ME1: variants seen among roughly 807,000 people sequenced by gnomAD.
The protein encoded by ME1 is NADP-dependent malic enzyme.
A neutral mutation model predicts 66.4 loss-of-function variants in ME1; 74 were observed. The ratio of observed to expected loss-of-function variants is 1.11; its 90% CI spans 0.92 to 1.35. The LOEUF (loss-of-function observed/expected upper bound fraction) is 1.35, where lower values mean the gene tolerates loss of function less well. Among genes scored for constraint, ME1 ranks in the 40% most tolerant of loss-of-function variants. ME1 has a pLI of 0.00. For missense variants in ME1, 750 were observed against 694.1 expected (o/e 1.08, Z -0.90); for synonymous variants, 251 against 235.6 (o/e 1.07, Z -0.60).
intron 6 of ME1, among the ~76,000 whole-genome samples, chr6:83,293,264 C>A (rs187781686): frequency 6.6e-6 from 1 of 152,136 alleles, no homozygotes; most frequent in Non-Finnish European, 1.5e-5. Context: ...CGTTCCTATT[C>A]GGCCATCTTG....
chr6:83,271,004 T>G (rs1162454968), intron 6 of ME1, among the ~76,000 whole-genome samples: 1 of 150,912 alleles, frequency 6.6e-6, no homozygotes, highest in Non-Finnish European at 1.5e-5. Context: ...GAAGTAAAGT[T>G]GTGGCTAGGT....
At chr6:83,427,443 C>G (rs886488494) in intron 1 of ME1, among the ~76,000 whole-genome samples, 2 of 152,214 alleles carry the variant, frequency 1.3e-5, no homozygotes, top group South Asian at 2.1e-4. Context: ...CAAGCTTAAA[C>G]CACATTTCAA....
chr6:83,429,258 G>A (rs567229875), intron 1 of ME1, among the ~76,000 whole-genome samples: 4 of 151,792 alleles, frequency 2.6e-5, no homozygotes, highest in East Asian at 1.9e-4. Context: ...GCGCGACTCC[G>A]TCTCAAATAA....
At chr6:83,304,585 A>G (rs1767792014) in intron 6 of ME1, among the ~76,000 whole-genome samples, 1 of 152,178 alleles carries the variant, frequency 6.6e-6, no homozygotes, top group Non-Finnish European at 1.5e-5. Context: ...TATTATTTTC[A>G]TGAGGATATG....
At chr6:83,220,390 C>T (rs1349573939) in intron 12 of ME1, among the ~76,000 whole-genome samples, 1 of 152,170 alleles carries the variant, frequency 6.6e-6, no homozygotes, top group Admixed American at 6.5e-5. Flanking sequence ...TCCCAGGATA[C>T]ACTACAGACC....
chr6:83,348,852 G>A (rs1404481470), intron 4 of ME1, among the ~76,000 whole-genome samples: 1 of 151,230 alleles, frequency 6.6e-6, no homozygotes, highest in Non-Finnish European at 1.5e-5. Context: ...CCTGGGCGTG[G>A]TGGCGAGTAG....
rs534603383 is a variant in ME1, at chr6:83,307,498, T to C, written c.704+7812A>G. On this transcript the variant is annotated intron_variant, in intron 6 of 13. Transcript: ENST00000369705. ...GCAGGTGGAATCCCATATAATCATA[T>C]GCTTTCATTAAATTTCTTATGAAAA... is the stretch of plus-strand genomic sequence containing the variant. Among the ~76,000 whole-genome samples the C allele has an allele frequency of 4.8e-4, 73 of 152,298 alleles. 1 individual carries two copies. The South Asian group carries it at 0.014, about 30-fold the overall frequency.
intron 1 of ME1, among the ~76,000 whole-genome samples, chr6:83,408,300 C>T: frequency 6.6e-6 from 1 of 152,142 alleles, no homozygotes; most frequent in East Asian, 1.9e-4. Flanking sequence ...TGCTGTGATT[C>T]CACCTTTAAA....
intron 7 of ME1, among the ~76,000 whole-genome samples, chr6:83,247,508 ATC>A (rs1170082232): frequency 6.6e-6 from 1 of 151,990 alleles, no homozygotes. Flanking sequence ...CATAAATCAT[ATC>A]TTTAAATAAC....
intron 3 of ME1, among the ~76,000 whole-genome samples, chr6:83,354,482 C>T (rs1456674906): frequency 6.6e-6 from 1 of 152,104 alleles, no homozygotes; most frequent in Non-Finnish European, 1.5e-5. Flanking sequence ...AAACTTCTAT[C>T]ATCACTCTAG....
At position 83,260,929 on chromosome 6, in the gene ME1, C is replaced by T. The variant is rs1277392748; in HGVS notation, c.705-7191G>A. Among the ~76,000 whole-genome samples, 3 of 152,196 alleles carry T rather than the reference C, an allele frequency of 2.0e-5. No homozygotes were observed. The East Asian group carries it at 5.8e-4, about 29-fold the overall frequency. ...CTCCAATAAACAAAAAAAATGTGTG[C>T]ATGCATCTTTGTGGTAAAATAATTT... On this transcript the variant is annotated intron_variant, in intron 6 of 13. Transcript: ENST00000369705.
At chr6:83,420,095 C>A (rs771150598) in intron 1 of ME1, among the ~76,000 whole-genome samples, 2 of 151,766 alleles carry the variant, frequency 1.3e-5, no homozygotes, top group South Asian at 2.1e-4. Flanking sequence ...TGAGACGGAG[C>A]CTTGCACTGT....
chr6:83,261,420 AT>A (rs57450786), intron 6 of ME1, among the ~76,000 whole-genome samples: 9 of 110,864 alleles, frequency 8.1e-5, no homozygotes, highest in East Asian at 2.5e-4. Flanking sequence ...TCTGTTGGTA[AT>A]TTTTTTTTTT....
intron 6 of ME1, among the ~76,000 whole-genome samples, chr6:83,268,411 T>G (rs1055569322): frequency 6.6e-6 from 1 of 152,146 alleles, no homozygotes; most frequent in Non-Finnish European, 1.5e-5. Flanking sequence ...AGTATACAAT[T>G]AGGGTAAGTT....
intron 3 of ME1, among the ~76,000 whole-genome samples, chr6:83,376,291 G>A (rs1338080460): frequency 1.3e-5 from 2 of 152,074 alleles, no homozygotes; most frequent in Admixed American, 6.6e-5. Flanking sequence ...GAGGTCAGGA[G>A]TTCAAGACCA....
Position 83,237,771 on chromosome 6 carries a change from T to C in ME1, c.972A>G (p.Lys324=), listed in dbSNP as rs138283187. ...GCCATATCTTTTTGATGGCTTTCTC[T>C]TTTGGTAAACCTTCTTTTTCCAAGG... ...VMALEKEGLP[K]EKAIKKIWLV... Residue 324 remains lysine (K), a synonymous_variant, in exon 9 of 14, where the codon AAA becomes AAG. Transcript: ENST00000369705. The C allele has an allele frequency of 6.2e-7, 1 of 1,609,560 alleles. No individual in the cohort carries two copies. The highest frequency in any genetic ancestry group is 8.5e-7 in the Non-Finnish European group (1 of 1,177,904).
intron 3 of ME1, among the ~76,000 whole-genome samples, chr6:83,352,760 C>T (rs1476250331): frequency 1.3e-5 from 2 of 152,154 alleles, no homozygotes; most frequent in African/African-American, 2.4e-5. Flanking sequence ...AGTAACTTCA[C>T]AAATTAAAAT....
At chr6:83,300,042 G>GGTAT (rs1356149356) in intron 6 of ME1, among the ~76,000 whole-genome samples, 2 of 152,042 alleles carry the variant, frequency 1.3e-5, no homozygotes, top group African/African-American at 4.8e-5. Flanking sequence ...TGTTCATCAG[G>GGTAT]GATACTGGCC....
chr6:83,307,775 T>C (rs915936869), intron 6 of ME1, among the ~76,000 whole-genome samples: 2 of 143,362 alleles, frequency 1.4e-5, no homozygotes, highest in Admixed American at 6.7e-5. Context: ...GGATTTAGTG[T>C]AGAGTTGGAC....
Sources: gnomAD v4.1 joint callset for allele counts (sites outside exome capture counted in the v4.1 genomes callset) on GRCh38, gnomAD v4.1.1 for gene constraint, MANE v1.5 for transcripts, NCBI Gene and HGNC (gene_info 2026-07-23, HGNC 2026-07-21) for gene names.